CDH13: variants seen among roughly 807,000 people sequenced by gnomAD.
The protein encoded by CDH13 is cadherin 13.
Under a neutral mutation model 63.8 loss-of-function variants are expected in CDH13, and 24 were observed. The observed-to-expected ratio is 0.38, with a 90% confidence interval of 0.27 to 0.53. The LOEUF (loss-of-function observed/expected upper bound fraction) is 0.53, where lower values mean the gene tolerates loss of function less well. CDH13 is among the 20% of genes least tolerant of loss of function. The pLI, the probability that CDH13 is intolerant of heterozygous loss-of-function variation, is 0.85. For missense variants in CDH13, 1,049 were observed against 903.1 expected (o/e 1.16, Z -2.07); for synonymous variants, 503 against 355.3 (o/e 1.42, Z -4.67).
At chr16:83,108,348 T>C (rs2034886435) in intron 3 of CDH13, among the ~76,000 whole-genome samples, 1 of 152,166 alleles carries the variant, frequency 6.6e-6, no homozygotes, top group Non-Finnish European at 1.5e-5. Flanking sequence ...CAGCTAAAAC[T>C]GAGTTCTTGT....
intron 7 of CDH13, among the ~76,000 whole-genome samples, chr16:83,539,821 T>A (rs1442769648): frequency 6.6e-6 from 1 of 152,104 alleles, no homozygotes; most frequent in African/African-American, 2.4e-5. Flanking sequence ...GGAGGAATGG[T>A]TCTAGAAAGA....
intron 2 of CDH13, among the ~76,000 whole-genome samples, chr16:82,933,052 G>C (rs951480104): frequency 6.6e-6 from 1 of 152,018 alleles, no homozygotes; most frequent in African/African-American, 2.4e-5. Context: ...TTGAGAAAGG[G>C]GTTTGCATGA....
At chr16:83,644,498 T>C (rs555001656) in intron 8 of CDH13, among the ~76,000 whole-genome samples, 122 of 152,368 alleles carry the variant, frequency 8.0e-4, no homozygotes, top group Non-Finnish European at 1.3e-3. Context: ...GCAAAATGCC[T>C]GGCCCAAAAG....
chr16:83,463,229 C>G (rs990760860), intron 6 of CDH13, among the ~76,000 whole-genome samples: 2 of 152,198 alleles, frequency 1.3e-5, no homozygotes, highest in Admixed American at 6.5e-5. Flanking sequence ...TCAGATAGCA[C>G]AGCCAGCTGG....
intron 7 of CDH13, among the ~76,000 whole-genome samples, chr16:83,515,798 G>T (rs1309445339): frequency 2.0e-5 from 3 of 152,118 alleles, no homozygotes; most frequent in Admixed American, 6.5e-5. Flanking sequence ...ATTTTGTTTA[G>T]AAATAAAATT....
chr16:83,077,310 G>T (rs1233035037), intron 3 of CDH13, among the ~76,000 whole-genome samples: 1 of 143,734 alleles, frequency 7.0e-6, no homozygotes, highest in Non-Finnish European at 1.5e-5. Context: ...TTGTGTCTCA[G>T]CCTTCTGAGT....
chr16:83,358,578 C>T (rs1450982000), intron 6 of CDH13, among the ~76,000 whole-genome samples: 1 of 152,144 alleles, frequency 6.6e-6, no homozygotes, highest in African/African-American at 2.4e-5. Flanking sequence ...CTAATAACAG[C>T]TGAAATATGC....
At chr16:83,703,182 A>G (rs932893685) in intron 10 of CDH13, among the ~76,000 whole-genome samples, 1 of 152,220 alleles carries the variant, frequency 6.6e-6, no homozygotes, top group Non-Finnish European at 1.5e-5. Context: ...ATTGGCATAA[A>G]CTTTCTAAAA....
intron 8 of CDH13, among the ~76,000 whole-genome samples, chr16:83,657,479 G>A (rs1912970101): frequency 6.6e-6 from 1 of 152,164 alleles, no homozygotes; most frequent in Non-Finnish European, 1.5e-5. Flanking sequence ...CAGCACTTTA[G>A]ACATAAAGTT....
chr16:83,231,374 T>C (rs181376519), intron 5 of CDH13, among the ~76,000 whole-genome samples: 96 of 152,138 alleles, frequency 6.3e-4, no homozygotes, highest in African/African-American at 2.2e-3. Flanking sequence ...GGAGAAAAAT[T>C]TTGGATTCAC....
intron 3 of CDH13, among the ~76,000 whole-genome samples, chr16:83,038,407 T>G (rs958958653): frequency 2.6e-5 from 4 of 152,198 alleles, no homozygotes; most frequent in Non-Finnish European, 5.9e-5. Context: ...TAAGATCACC[T>G]TAGATCTGAG....
chr16:83,468,333 C>G (rs966107355), intron 6 of CDH13, among the ~76,000 whole-genome samples: 3 of 152,042 alleles, frequency 2.0e-5, no homozygotes, highest in Non-Finnish European at 4.4e-5. Context: ...GAGATGTGGC[C>G]GCCAGCCAAA....
At chr16:83,189,786 C>G (rs895901195) in intron 4 of CDH13, among the ~76,000 whole-genome samples, 5 of 152,212 alleles carry the variant, frequency 3.3e-5, no homozygotes, top group Admixed American at 6.5e-5. Flanking sequence ...CCACCTAATT[C>G]TAACCTTGAA....
At chr16:83,362,107 C>A (rs187433467) in intron 6 of CDH13, among the ~76,000 whole-genome samples, 3 of 152,104 alleles carry the variant, frequency 2.0e-5, no homozygotes, top group Non-Finnish European at 1.5e-5. Flanking sequence ...CATAAGTCCC[C>A]TCTAACAGAC....
chr16:83,385,734 A>T (rs889713), intron 6 of CDH13, among the ~76,000 whole-genome samples: 2 of 152,054 alleles, frequency 1.3e-5, no homozygotes, highest in Non-Finnish European at 1.5e-5. Flanking sequence ...ACTACAGGAG[A>T]GGCTGGAGAA....
intron 1 of CDH13, among the ~76,000 whole-genome samples, chr16:82,817,404 A>G (rs1375052635): frequency 6.6e-6 from 1 of 152,180 alleles, no homozygotes; most frequent in Non-Finnish European, 1.5e-5. Flanking sequence ...TGTGTACTCT[A>G]GGCCCCAGTT....
At chr16:82,941,706 C>A (rs1438919392) in intron 2 of CDH13, among the ~76,000 whole-genome samples, 3 of 152,160 alleles carry the variant, frequency 2.0e-5, no homozygotes, top group Non-Finnish European at 4.4e-5. Context: ...TATCTCTAAC[C>A]ACCTCCGAGT....
chr16:83,364,954 C>T (rs563428689), intron 6 of CDH13, among the ~76,000 whole-genome samples: 75 of 152,236 alleles, frequency 4.9e-4, no homozygotes, highest in African/African-American at 1.7e-3. Flanking sequence ...GGACAAATAC[C>T]TAAGGCATGC....
chr16:83,243,286 G>A (rs989046785), intron 5 of CDH13, among the ~76,000 whole-genome samples: 2 of 152,308 alleles, frequency 1.3e-5, no homozygotes, highest in African/African-American at 4.8e-5. Flanking sequence ...TGCACTTACA[G>A]TTCCTCATGG....
Sources: allele counts gnomAD v4.1 joint callset (sites outside exome capture counted in the v4.1 genomes callset), GRCh38; gene constraint gnomAD v4.1.1; transcripts MANE v1.5; gene names NCBI Gene and HGNC (gene_info 2026-07-23, HGNC 2026-07-21).